The following ITGA4 variants were observed in gnomAD, a reference collection of about 807,000 sequenced individuals.
ITGA4 encodes integrin alpha-4.
A neutral mutation model predicts 133.6 loss-of-function variants in ITGA4; 63 were observed. The ratio of observed to expected loss-of-function variants is 0.47; its 90% CI spans 0.38 to 0.58. The LOEUF (loss-of-function observed/expected upper bound fraction) is 0.58. ITGA4 is among the 20% of genes least tolerant of loss of function. The probability of loss-of-function intolerance (pLI) is 0.00; values close to 1 mark genes in which losing one functional copy is unlikely to be tolerated. For missense variants in ITGA4, 1,076 were observed against 1,252.7 expected, an observed-to-expected ratio of 0.86 and a Z score of 2.13; for synonymous variants, 483 against 438.0, an observed-to-expected ratio of 1.10 and a Z score of -1.28.
At chr2:181,475,983 CCTCA>C (rs1685666000) in intron 4 of ITGA4, 4 of 1,245,126 alleles carry the variant, frequency 3.2e-6, no homozygotes, top group African/African-American at 3.2e-5. Context: ...TTCTAACCAC[CCTCA>C]CTCAAAAAAA....
At chr2:181,520,931 A>T (rs1242740553) in intron 17 of ITGA4, among the ~76,000 whole-genome samples, 3 of 152,078 alleles carry the variant, frequency 2.0e-5, no homozygotes, top group African/African-American at 7.2e-5. Flanking sequence ...GTCCTTACAT[A>T]CTCTGTCTTT....
At position 181,458,241 on chromosome 2, in the gene ITGA4, A is replaced by T; in HGVS notation, c.243A>T (p.Ser81=). The T allele has an allele frequency of 6.2e-7, 1 of 1,613,776 alleles. No homozygotes were observed. The highest frequency in any genetic ancestry group is 8.5e-7 in the Non-Finnish European group (1 of 1,179,852). ...APTANWLANA[S]VINPGAIYRC... The stretch of plus-strand genomic sequence containing the variant: ...CTGCCAACTGGCTCGCCAACGCTTC[A>T]GTGATCAATCCCGGGGCGATTTACA... Residue 81 remains serine, a synonymous_variant, in exon 2 of 28, where the codon TCA becomes TCT. Coordinates refer to ENST00000397033, the MANE Select transcript of ITGA4 (RefSeq NM_000885.6).
Position 181,537,455 on chromosome 2 carries a change from C to A in ITGA4, c.*1928C>A, listed in dbSNP as rs1358799117. On this transcript the variant is annotated 3_prime_UTR_variant, in exon 28 of 28. Coordinates refer to ENST00000397033, the MANE Select transcript of ITGA4 (RefSeq NM_000885.6). ...GTTACTTGTATCATGAATTTTAAAA[C>A]CCTACCACTTTAAGAAGACAGGGAT... is the stretch of plus-strand genomic sequence containing the variant. The A allele has an allele frequency of 8.9e-6, 4 of 448,662 alleles. No individual in the cohort carries two copies. Among genetic ancestry groups the A allele is most frequent in the Non-Finnish European group, 1.8e-5 (4 of 223,066 alleles). 27.8% of individuals were successfully genotyped at this position (448,662 alleles called of 1,614,324 possible).
chr2:181,512,284 G>A (rs746087622), intron 17 of ITGA4, among the ~76,000 whole-genome samples: 16 of 152,080 alleles, frequency 1.1e-4, no homozygotes, highest in Non-Finnish European at 2.4e-4. Context: ...GGAAGAAGAT[G>A]CATCAGTGAC....
At chr2:181,502,738 C>T (rs1440220409) in intron 15 of ITGA4, among the ~76,000 whole-genome samples, 13 of 151,990 alleles carry the variant, frequency 8.6e-5, no homozygotes, top group Non-Finnish European at 1.5e-4. Context: ...TAACAAAATA[C>T]AGGATGGTTG....
rs777048769 is a variant in ITGA4, at chr2:181,493,413, C to T, written c.1242C>T (p.Phe414=). 1.8e-5 allele frequency: 29 copies of T among 1,592,364 alleles called. No individual in the cohort carries two copies. The East Asian group carries it at 4.9e-4, about 27-fold the overall frequency. ...NGRADGISST[F]SQRIEGLQIS... ...GTGCAGATGGGATCTCGTCAACCTT[C>T]TCACAGGTAAGGTACTATTCTATTT... Residue 414 remains phenylalanine, a synonymous_variant, in exon 11 of 28, where the codon TTC becomes TTT. Transcript: ENST00000397033.
At chr2:181,535,398 C>G in intron 27 of ITGA4, 34 bp from the exon 28 acceptor site, 1 of 1,514,264 alleles carries the variant, frequency 6.6e-7, no homozygotes, top group Non-Finnish European at 9.0e-7. Context: ...GTGTTCATAA[C>G]TATACACTAG....
At chr2:181,532,672 A>T (rs933181245) in intron 25 of ITGA4, among the ~76,000 whole-genome samples, 3 of 152,186 alleles carry the variant, frequency 2.0e-5, no homozygotes, top group Non-Finnish European at 4.4e-5. Flanking sequence ...TTTTCTAAAT[A>T]TACAATCATG....
chr2:181,476,671 C>G (rs531411896), intron 4 of ITGA4, among the ~76,000 whole-genome samples: 2 of 152,224 alleles, frequency 1.3e-5, no homozygotes, highest in South Asian at 2.1e-4. Flanking sequence ...AAAGGACACT[C>G]TCTTCAATTA....
At chr2:181,480,950 A>G (rs899654089) in intron 6 of ITGA4, among the ~76,000 whole-genome samples, 10 of 152,150 alleles carry the variant, frequency 6.6e-5, no homozygotes, top group Admixed American at 5.9e-4. Context: ...TTTCCTATAG[A>G]TTTTCAGAAA....
chr2:181,481,465 A>G (rs1448693885), intron 6 of ITGA4, 133 bp from the exon 7 acceptor site: 6 of 377,758 alleles, frequency 1.6e-5, no homozygotes, highest in African/African-American at 8.3e-5. Context: ...GAGTATCTCT[A>G]TGCTAAATAT....
rs954547032 is a variant in ITGA4, at chr2:181,538,307, T to G, written c.*2780T>G. On this transcript the variant is annotated 3_prime_UTR_variant, in exon 28 of 28. Transcript: ENST00000397033. ...TTGTTTTTCACATACACCTAATAAGTATGGTACACAATGCCAATGCCAAAT... is the reference window on the plus strand; with the variant it reads ...TTGTTTTTCACATACACCTAATAAGGATGGTACACAATGCCAATGCCAAAT... The G allele has an allele frequency of 1.6e-5, 15 of 935,152 alleles. No homozygotes were observed. The African/African-American group carries it at 2.4e-4, about 15-fold the overall frequency. 57.9% of individuals were successfully genotyped at this position (935,152 alleles called of 1,614,324 possible). A position where few individuals can be genotyped will look rare whatever the true frequency, so the allele number is the denominator to read the frequency against.
At chr2:181,482,322 A>G in intron 7 of ITGA4, 38 bp from the exon 8 acceptor site, 2 of 1,549,164 alleles carry the variant, frequency 1.3e-6, no homozygotes, top group East Asian at 2.3e-5. Context: ...AAAAAATGTT[A>G]TTCCTAAAAA....
intron 14 of ITGA4, among the ~76,000 whole-genome samples, chr2:181,497,420 C>CACCTTTTTCATTTACTTTTTTTCT (rs1686178004): frequency 6.6e-6 from 1 of 151,904 alleles, no homozygotes; most frequent in South Asian, 2.1e-4. Flanking sequence ...GATTTTTTTT[C>CACCTTTTTCATTTACTTTTTTTCT]ACCTTTTTCA....
chr2:181,524,984 A>C (rs1686803868), intron 20 of ITGA4, among the ~76,000 whole-genome samples: 1 of 151,986 alleles, frequency 6.6e-6, no homozygotes, highest in African/African-American at 2.4e-5. Flanking sequence ...TCCTCTATCT[A>C]GCATTAGAAG....
At position 181,457,524 on chromosome 2, in the gene ITGA4, CT is replaced by C; in HGVS notation, c.-128del. 1 of 879,570 alleles carries C rather than the reference CT, an allele frequency of 1.1e-6. No homozygotes were observed. Among genetic ancestry groups the C allele is most frequent in the Non-Finnish European group, 1.7e-6 (1 of 585,412 alleles). 54.5% of individuals were successfully genotyped at this position (879,570 alleles called of 1,614,324 possible). ...TCCCCTCCTCTTCCCTCTCTCCTTC[CT>C]TTAGCCCGCTGGCGCCGGACACGCT... On this transcript the variant is annotated 5_prime_UTR_variant, in exon 1 of 28. Coordinates refer to ENST00000397033, the MANE Select transcript of ITGA4 (RefSeq NM_000885.6).
At chr2:181,525,150 T>C (rs1686806896) in intron 20 of ITGA4, 52 bp from the exon 21 acceptor site, 3 of 1,032,636 alleles carry the variant, frequency 2.9e-6, no homozygotes, top group African/African-American at 1.6e-5. Context: ...TAGTTCTCTC[T>C]GAAGATTTTT....
chr2:181,493,662 G>C (rs1262646669), intron 11 of ITGA4, among the ~76,000 whole-genome samples: 1 of 152,160 alleles, frequency 6.6e-6, no homozygotes, highest in Non-Finnish European at 1.5e-5. Flanking sequence ...GCCCATTAAA[G>C]ATTTCTCTTT....
In ITGA4 at chr2:181,515,350, T is replaced by C. The variant is rs532885696; in HGVS notation, c.1922+3575T>C. 1.3e-5 allele frequency among the ~76,000 whole-genome samples: 2 copies of C among 152,222 alleles called. 1 individual carries two copies. Among genetic ancestry groups the C allele is most frequent in the South Asian group, 4.1e-4 (2 of 4,824 alleles). On this transcript the variant is annotated intron_variant, in intron 17 of 27. Coordinates refer to ENST00000397033, the MANE Select transcript of ITGA4 (RefSeq NM_000885.6). Reference sequence around the variant, plus strand: ...AGGGTAATAATGCAGGCCAAGTGCCTAGTGCAAAGCCTGATTTCCATGAAG... The same window carrying C: ...AGGGTAATAATGCAGGCCAAGTGCCCAGTGCAAAGCCTGATTTCCATGAAG...
Sources: gnomAD v4.1 joint callset for allele counts (sites outside exome capture counted in the v4.1 genomes callset) on GRCh38, gnomAD v4.1.1 for gene constraint, MANE v1.5 for transcripts, NCBI Gene and HGNC (gene_info 2026-07-23, HGNC 2026-07-21) for gene names.